GRM5: variants seen among roughly 807,000 people sequenced by gnomAD.
The protein encoded by GRM5 is glutamate metabotropic receptor 5, also known as metabotropic glutamate receptor 5.
GRM5 carries 19 observed loss-of-function variants against 83.1 expected under a neutral mutation model. The observed-to-expected ratio is 0.23, with a 90% CI of 0.16 to 0.34. The LOEUF is 0.34. Ranked by LOEUF, GRM5 falls within the 10% of genes least tolerant of loss-of-function variation. The pLI is 1.00. For synonymous variants in GRM5, 675 were observed against 633.6 expected, an observed-to-expected ratio of 1.07 and a Z score of -0.98; for missense variants, 1,160 against 1,588.3, an observed-to-expected ratio of 0.73 and a Z score of 4.58.
At chr11:88,878,036 A>G (rs1391426697) in intron 2 of GRM5, among the ~76,000 whole-genome samples, 5 of 152,062 alleles carry the variant, frequency 3.3e-5, no homozygotes, top group East Asian at 1.9e-4. Flanking sequence ...AAGAGAAGGA[A>G]AGTAAAATAT....
chr11:88,847,751 C>T (rs1565259660), intron 3 of GRM5, among the ~76,000 whole-genome samples: 1 of 152,108 alleles, frequency 6.6e-6, no homozygotes, highest in Non-Finnish European at 1.5e-5. Context: ...TAAAAAAAAT[C>T]TAACTAGAGG....
intron 2 of GRM5, among the ~76,000 whole-genome samples, chr11:88,932,261 C>T (rs1425937398): frequency 6.6e-6 from 1 of 151,944 alleles, no homozygotes; most frequent in Non-Finnish European, 1.5e-5. Context: ...ACAATTTATC[C>T]TGACATAATA....
intron 4 of GRM5, among the ~76,000 whole-genome samples, chr11:88,649,589 C>T (rs969003129): frequency 6.7e-6 from 1 of 148,950 alleles, no homozygotes; most frequent in Non-Finnish European, 1.5e-5. Context: ...AGAATGATGG[C>T]TAACTTCTCA....
intron 3 of GRM5, among the ~76,000 whole-genome samples, chr11:88,841,368 A>G (rs1590902833): frequency 6.6e-6 from 1 of 152,178 alleles, no homozygotes; most frequent in African/African-American, 2.4e-5. Context: ...TCCTTTGCTA[A>G]CACTAAATTC....
At chr11:89,026,142 T>C (rs139527735) in intron 2 of GRM5, among the ~76,000 whole-genome samples, 108 of 152,202 alleles carry the variant, frequency 7.1e-4, no homozygotes, top group Middle Eastern at 3.4e-3. Context: ...AAGGGAACAA[T>C]AGACCCTGGG....
intron 3 of GRM5, among the ~76,000 whole-genome samples, chr11:88,819,116 C>A (rs1166904050): frequency 6.6e-6 from 1 of 152,092 alleles, no homozygotes; most frequent in Non-Finnish European, 1.5e-5. Flanking sequence ...AAGAATGCTT[C>A]CAAAGAGAGA....
chr11:88,952,345 G>T (rs1001641861), intron 2 of GRM5, among the ~76,000 whole-genome samples: 28 of 152,162 alleles, frequency 1.8e-4, no homozygotes, highest in Admixed American at 6.5e-5. Flanking sequence ...CTGTTACTCA[G>T]TAGCATTGTA....
chr11:89,030,018 T>G (rs1941225233), intron 2 of GRM5, among the ~76,000 whole-genome samples: 1 of 152,116 alleles, frequency 6.6e-6, no homozygotes, highest in Admixed American at 6.6e-5. Context: ...AGACATTGTC[T>G]CTCTTTAAGA....
At chr11:88,615,911 A>T (rs1249118501) in intron 4 of GRM5, among the ~76,000 whole-genome samples, 1 of 152,138 alleles carries the variant, frequency 6.6e-6, no homozygotes, top group Non-Finnish European at 1.5e-5. Flanking sequence ...ATGCAAGATG[A>T]CATCGCACTT....
At chr11:88,916,808 T>G (rs947581999) in intron 2 of GRM5, among the ~76,000 whole-genome samples, 1 of 151,940 alleles carries the variant, frequency 6.6e-6, no homozygotes, top group South Asian at 2.1e-4. Flanking sequence ...CGGTAACAGC[T>G]CAGCCGTAGT....
At chr11:88,947,019 A>G (rs1938302550) in intron 2 of GRM5, among the ~76,000 whole-genome samples, 1 of 152,130 alleles carries the variant, frequency 6.6e-6, no homozygotes, top group South Asian at 2.1e-4. Context: ...TAACAAGTCT[A>G]TCAGTAGAAA....
intron 3 of GRM5, among the ~76,000 whole-genome samples, chr11:88,777,793 A>G (rs922803182): frequency 6.6e-6 from 1 of 152,172 alleles, no homozygotes; most frequent in African/African-American, 2.4e-5. Context: ...ATTGCAGAAC[A>G]GCAAATATTG....
At chr11:88,635,567 G>C (rs1939095326) in intron 4 of GRM5, among the ~76,000 whole-genome samples, 1 of 152,166 alleles carries the variant, frequency 6.6e-6, no homozygotes, top group East Asian at 1.9e-4. Context: ...TGAGTTGTTT[G>C]CATTTGTTTT....
intron 3 of GRM5, among the ~76,000 whole-genome samples, chr11:88,734,701 TTC>T (rs980684639): frequency 1.3e-5 from 2 of 152,086 alleles, no homozygotes; most frequent in African/African-American, 4.8e-5. Context: ...TTTCATCATT[TTC>T]TGTCTGTCAC....
chr11:88,633,810 C>T (rs558392030), intron 4 of GRM5, among the ~76,000 whole-genome samples: 1 of 152,112 alleles, frequency 6.6e-6, no homozygotes, highest in African/African-American at 2.4e-5. Context: ...CACGAGCCAC[C>T]GTAACTAGCT....
chr11:88,753,980 T>C (rs1942340858), intron 3 of GRM5, among the ~76,000 whole-genome samples: 1 of 152,098 alleles, frequency 6.6e-6, no homozygotes, highest in African/African-American at 2.4e-5. Flanking sequence ...CCTGCCCCCA[T>C]GATTCAATTA....
chr11:88,629,508 A>G lies in GRM5; in HGVS notation c.1147+23660T>C, dbSNP rs191805972. On this transcript the variant is annotated intron_variant, in intron 4 of 9. Coordinates refer to ENST00000305447, the MANE Select transcript of GRM5 (RefSeq NM_001143831.3). ...AGAGGTAGAGGGTTTTGGGAATTAG[A>G]ATGCCTTCTTTATTGATCACGGACA... Among the ~76,000 whole-genome samples, 237 of 152,220 alleles carry G rather than the reference A, an allele frequency of 1.6e-3. 1 individual carries two copies. Among genetic ancestry groups the G allele is most frequent in the Admixed American group, 3.7e-3 (56 of 15,264 alleles).
chr11:88,747,107 C>T (rs750147284), intron 3 of GRM5, among the ~76,000 whole-genome samples: 2 of 152,186 alleles, frequency 1.3e-5, no homozygotes, highest in Non-Finnish European at 2.9e-5. Context: ...TATTCCATTT[C>T]TAACAAACAA....
At chr11:88,612,600 C>T (rs1565153702) in intron 4 of GRM5, among the ~76,000 whole-genome samples, 1 of 152,070 alleles carries the variant, frequency 6.6e-6, no homozygotes, top group Non-Finnish European at 1.5e-5. Context: ...TAAAAGTGTT[C>T]CTATTTCTCC....
Sources: allele counts gnomAD v4.1 joint callset (sites outside exome capture counted in the v4.1 genomes callset), GRCh38; gene constraint gnomAD v4.1.1; transcripts MANE v1.5; gene names NCBI Gene and HGNC (gene_info 2026-07-23, HGNC 2026-07-21).